KLF7: variants seen among roughly 807,000 people sequenced by gnomAD.
The protein encoded by KLF7 is KLF transcription factor 7.
A neutral mutation model predicts 27.3 loss-of-function variants in KLF7; 2 were observed. That is an observed-to-expected ratio of 0.07 (90% confidence interval 0.03 to 0.23). KLF7 has a LOEUF of 0.23. KLF7 is among the 10% of genes least tolerant of loss of function. The probability of loss-of-function intolerance (pLI) is 1.00; values close to 1 mark genes in which losing one functional copy is unlikely to be tolerated. For missense variants in KLF7, 221 were observed against 394.1 expected (o/e 0.56, Z 3.72); for synonymous variants, 165 against 162.4 (o/e 1.02, Z -0.12).
At chr2:207,086,163 A>G (rs969364925) in intron 3 of KLF7, among the ~76,000 whole-genome samples, 2 of 152,296 alleles carry the variant, frequency 1.3e-5, no homozygotes, top group East Asian at 3.9e-4. Flanking sequence ...GAGGTGGTGC[A>G]CTCATATATA....
intron 3 of KLF7, among the ~76,000 whole-genome samples, chr2:207,083,349 C>T (rs975466787): frequency 7.2e-5 from 11 of 152,204 alleles, no homozygotes; most frequent in African/African-American, 2.2e-4. Flanking sequence ...TCTTTCCCTC[C>T]TTCTTTTATC....
At chr2:207,121,175 G>A (rs548463929) in intron 2 of KLF7, among the ~76,000 whole-genome samples, 8 of 152,148 alleles carry the variant, frequency 5.3e-5, no homozygotes, top group Non-Finnish European at 1.0e-4. Flanking sequence ...TTGCATGTCT[G>A]GTTTATCCTC....
intron 1 of KLF7, among the ~76,000 whole-genome samples, chr2:207,141,026 T>C (rs1326275069): frequency 6.6e-6 from 1 of 152,212 alleles, no homozygotes; most frequent in African/African-American, 2.4e-5. Flanking sequence ...TCAAGTCATC[T>C]CATCTTCAGT....
At chr2:207,169,434 T>C (rs2078771174), upstream of KLF7, among the ~76,000 whole-genome samples, 1 of 152,178 alleles carries the variant, frequency 6.6e-6, no homozygotes, top group Admixed American at 6.5e-5. Flanking sequence ...CTCCTCAAAG[T>C]AAATCTACTT....
At chr2:207,122,560 A>C (rs1180012930) in intron 2 of KLF7, among the ~76,000 whole-genome samples, 1 of 152,232 alleles carries the variant, frequency 6.6e-6, no homozygotes, top group African/African-American at 2.4e-5. Context: ...ACAGATGTGG[A>C]AAATGAGGCC....
At chr2:207,157,855 C>G (rs2078432989) in intron 1 of KLF7, among the ~76,000 whole-genome samples, 1 of 152,098 alleles carries the variant, frequency 6.6e-6, no homozygotes. Flanking sequence ...AATGTCAAAC[C>G]TAGATCATGA....
At chr2:207,098,778 A>ATTTTTTTTT (rs1182598901) in intron 2 of KLF7, among the ~76,000 whole-genome samples, 9 of 104,676 alleles carry the variant, frequency 8.6e-5, no homozygotes, top group Admixed American at 2.4e-4. Context: ...CACTTGGCTA[A>ATTTTTTTTT]TTTTTTTTTT....
intron 3 of KLF7, among the ~76,000 whole-genome samples, chr2:207,083,146 G>A (rs1207206597): frequency 6.6e-6 from 1 of 152,162 alleles, no homozygotes; most frequent in African/African-American, 2.4e-5. Context: ...ATAAAACAGT[G>A]TCACTAAGTT....
intron 1 of KLF7, among the ~76,000 whole-genome samples, chr2:207,159,516 T>A (rs2284927): frequency 0.23 from 35,554 of 152,158 alleles, 5,069 homozygotes; most frequent in Middle Eastern, 0.32. Context: ...ACAGTCAAGC[T>A]CCTAGAGGGC....
rs780081096 is a variant in KLF7, at chr2:207,165,537, T to C, written c.32A>G (p.Gln11Arg). Residue 11 changes from glutamine to arginine, a missense_variant, in exon 1 of 4, where the codon CAG becomes CGG. By Grantham distance (43) the Gln-to-Arg change is conservative. Around this residue, in one of 3 missense-constraint regions of KLF7, gnomAD observed 11 missense variants for 50.8 expected, o/e 0.22. Coordinates refer to ENST00000309446, the MANE Select transcript of KLF7 (RefSeq NM_003709.4). ...GGTGTCGTGGACAAGTTGTAGCTCCTGGAATATACTATAACTAGCCAACAC... is the reference window on the plus strand; with the variant it reads ...GGTGTCGTGGACAAGTTGTAGCTCCCGGAATATACTATAACTAGCCAACAC... MDVLASYSIFQELQLVHDTGY... is the reference protein window; with the variant it reads MDVLASYSIFRELQLVHDTGY... The C allele has an allele frequency of 6.2e-7, 1 of 1,614,000 alleles. No individual in the cohort carries two copies. Among genetic ancestry groups the C allele is most frequent in the South Asian group, 1.1e-5 (1 of 91,070 alleles).
intron 1 of KLF7, among the ~76,000 whole-genome samples, chr2:207,126,936 A>T (rs2077494704): frequency 6.6e-6 from 1 of 152,260 alleles, no homozygotes; most frequent in East Asian, 1.9e-4. Context: ...TTTGTATGCC[A>T]TTTATTTACA....
chr2:207,084,304 T>A (rs1042620360), intron 3 of KLF7, among the ~76,000 whole-genome samples: 4 of 152,146 alleles, frequency 2.6e-5, no homozygotes, highest in Non-Finnish European at 5.9e-5. Flanking sequence ...GGGAAATGAG[T>A]ATTCTTGATA....
intron 2 of KLF7, among the ~76,000 whole-genome samples, chr2:207,089,863 T>C (rs2076472031): frequency 6.6e-6 from 1 of 152,210 alleles, no homozygotes; most frequent in Non-Finnish European, 1.5e-5. Flanking sequence ...ACTCAAAGTT[T>C]CAGGATACCT....
At chr2:207,131,490 A>C (rs2077633076) in intron 1 of KLF7, among the ~76,000 whole-genome samples, 1 of 152,220 alleles carries the variant, frequency 6.6e-6, no homozygotes, top group Admixed American at 6.5e-5. Flanking sequence ...GACACAAAAC[A>C]AGCTACTGTT....
upstream of KLF7, among the ~76,000 whole-genome samples, chr2:207,169,793 T>C (rs2078773556): frequency 6.6e-6 from 1 of 152,198 alleles, no homozygotes; most frequent in South Asian, 2.1e-4. Flanking sequence ...TTTACCATTG[T>C]AATTGTTTTA....
chr2:207,111,155 A>G (rs2077026396), intron 2 of KLF7, among the ~76,000 whole-genome samples: 2 of 152,224 alleles, frequency 1.3e-5, no homozygotes, highest in African/African-American at 4.8e-5. Context: ...ATGATCTCAC[A>G]TTTTGGGAGA....
At position 207,165,449 on chromosome 2, in the gene KLF7, G is replaced by A; in HGVS notation, c.102+18C>T. 1.2e-6 allele frequency: 2 copies of A among 1,614,038 alleles called. No individual in the cohort carries two copies. Among genetic ancestry groups the A allele is most frequent in the Middle Eastern group, 1.7e-4 (1 of 6,060 alleles). On this transcript the variant is annotated intron_variant, in intron 1 of 3. Transcript: ENST00000309446. ...CGCCGCCACCACACGATTTACACAA[G>A]TAATTTAAATCATTCACCTGCTGCC...
rs547699268 is a variant in KLF7 at position 207,095,071 on chromosome 2, C to T, written c.734-6490G>A. Among the ~76,000 whole-genome samples the T allele has an allele frequency of 2.5e-3, 289 of 114,588 alleles. 1 individual carries two copies. The highest frequency in any genetic ancestry group is 9.4e-3 in the Middle Eastern group (1 of 106). The allele number at this position is 114,588 out of a possible 152,430, so 75.2% of individuals were successfully genotyped here. On this transcript the variant is annotated intron_variant, in intron 2 of 3. Transcript: ENST00000309446. ...TTTTTTTTTTTCTGAGACGGAGTCT[C>T]GCTCTGTTGCCCAGGCTGGAGTGCA... is the stretch of plus-strand genomic sequence containing the variant.
chr2:207,167,153 G>C (rs1251596347), upstream of KLF7: 1 of 1,438,050 alleles, frequency 7.0e-7, no homozygotes, highest in Admixed American at 2.6e-5. Flanking sequence ...GGGGTCTCCA[G>C]CGAGGTGTCT....
Sources: gnomAD v4.1 joint callset for allele counts (sites outside exome capture counted in the v4.1 genomes callset) on GRCh38, gnomAD v4.1.1 for gene constraint, gnomAD v4.1.1 regional missense constraint, MANE v1.5 for transcripts, NCBI Gene and HGNC (gene_info 2026-07-23, HGNC 2026-07-21) for gene names.